Variants in ECHDC2 observed in about 807,000 individuals in gnomAD.
ECHDC2 encodes the protein enoyl-CoA hydratase domain-containing protein 2, mitochondrial.
ECHDC2 carries 34 observed loss-of-function variants against 40.6 expected under a neutral mutation model. The ratio of observed to expected loss-of-function variants is 0.84; its 90% CI spans 0.64 to 1.11. The LOEUF (loss-of-function observed/expected upper bound fraction) is 1.11. Ranked by LOEUF, ECHDC2 falls within the 50% of genes most tolerant of loss-of-function variation. The probability of loss-of-function intolerance (pLI) is 0.00; values close to 1 mark genes in which losing one functional copy is unlikely to be tolerated. For missense variants in ECHDC2, 392 were observed against 400.7 expected (o/e 0.98, Z 0.19); for synonymous variants, 162 against 166.6 (o/e 0.97, Z 0.21).
chr1:52,917,439 C>T (rs747978041), intron 1 of ECHDC2: 15 of 400,316 alleles, frequency 3.7e-5, no homozygotes, highest in South Asian at 1.3e-4. Flanking sequence ...GTGTGGGGGA[C>T]GGAGCAGCAG....
Position 52,911,590 on chromosome 1 carries a change from CACT to C in ECHDC2, c.250_252del (p.Ser84del), listed in dbSNP as rs1361468552. On this transcript the variant is annotated inframe_deletion, in exon 3 of 10. Coordinates refer to ENST00000371522, the MANE Select transcript of ECHDC2 (RefSeq NM_001198961.2). The stretch of plus-strand genomic sequence containing the variant: ...CCTGCACAGAACACGCCCTTCACTC[CACT>C]TCTGAAGAGCAGGACACGCACTTGC... 1 of 1,613,866 alleles carries C rather than the reference CACT, an allele frequency of 6.2e-7. No individual in the cohort carries two copies. Among genetic ancestry groups the C allele is most frequent in the African/African-American group, 1.3e-5 (1 of 74,916 alleles).
Position 52,905,014 on chromosome 1 carries a change from G to T in ECHDC2, c.514+20C>A, listed in dbSNP as rs761792306. ...ACCCTGGATGGGGTGGAATTGGGCG[G>T]GTGCTGTAGTTGCGATTACCTGCCC... On this transcript the variant is annotated intron_variant, in intron 6 of 9. Transcript: ENST00000371522. 2 of 1,614,044 alleles carry T rather than the reference G, an allele frequency of 1.2e-6. No individual in the cohort carries two copies. The highest frequency in any genetic ancestry group is 1.7e-5 in the Admixed American group (1 of 60,002).
At chr1:52,912,441 C>G (rs558761961) in intron 1 of ECHDC2, among the ~76,000 whole-genome samples, 3 of 152,232 alleles carry the variant, frequency 2.0e-5, no homozygotes, top group South Asian at 4.2e-4. Flanking sequence ...CTCCTGAGCT[C>G]GAGCAATCTG....
Position 52,911,748 on chromosome 1 carries a change from G to C in ECHDC2, c.164C>G (p.Ala55Gly). Residue 55 changes from alanine to glycine, a missense_variant, in exon 2 of 10, where the codon GCC becomes GGC. Coordinates refer to ENST00000371522, the MANE Select transcript of ECHDC2 (RefSeq NM_001198961.2). ...ILMNRPSARN[A>G]LGNVFVSELL... ...CTCACTGACGAAGACATTCCCCAAG[G>C]CATTGCGGGCAGAAGGTCTGTTCAT... The C allele has an allele frequency of 6.2e-7, 1 of 1,614,072 alleles. No homozygotes were observed. The highest frequency in any genetic ancestry group is 1.1e-5 in the South Asian group (1 of 91,080).
intron 1 of ECHDC2, 34 bp downstream of exon 1, chr1:52,921,519 C>A (rs375540765): frequency 3.8e-6 from 6 of 1,595,422 alleles, no homozygotes; most frequent in South Asian, 3.4e-5. Flanking sequence ...TAGTCCCAGT[C>A]GCGTCATGCG....
chr1:52,921,430 A>C, intron 1 of ECHDC2, 123 bp downstream of exon 1: 1 of 1,437,172 alleles, frequency 7.0e-7, no homozygotes, highest in Non-Finnish European at 9.1e-7. Flanking sequence ...GGGCGCCTAG[A>C]ACTGGGAGGG....
chr1:52,914,029 C>G lies in ECHDC2; in HGVS notation c.122-2239G>C. 8.4e-7 allele frequency: 1 copy of G among 1,187,582 alleles called. No individual in the cohort carries two copies. The highest frequency in any genetic ancestry group is 1.1e-6 in the Non-Finnish European group (1 of 903,578). 73.6% of individuals were successfully genotyped at this position (1,187,582 alleles called of 1,614,324 possible). A position where few individuals can be genotyped will look rare whatever the true frequency, so the allele number is the denominator to read the frequency against. ...ATTTATATATTTGCTGTGTGCTGGC[C>G]TCTACTAGACACCGTGATTCCAGAG... On this transcript the variant is annotated intron_variant, in intron 1 of 9. Transcript: ENST00000371522. The surrounding 1 kb of genome is among the most constrained non-coding windows in gnomAD (Gnocchi z 4.0).
chr1:52,899,982 GAA>G (rs1553128649), intron 7 of ECHDC2: 9 of 140,282 alleles, frequency 6.4e-5, no homozygotes. Flanking sequence ...ACTTTCTCAG[GAA>G]AAGTCTCAAA....
chr1:52,899,180 T>A lies in ECHDC2; in HGVS notation c.747A>T (p.Gly249=), dbSNP rs751066648. Residue 249 remains glycine, a synonymous_variant, in exon 8 of 10, where the codon GGA becomes GGT. Transcript: ENST00000371522. ...VRLGKVAIDR[G]TEVDIASGMA... Reference sequence around the variant, plus strand: ...CAACCCAAAACCCTCTCACCTCCGTTCCTCGGTCAATGGCTACTTTGCCCA... The same window carrying A: ...CAACCCAAAACCCTCTCACCTCCGTACCTCGGTCAATGGCTACTTTGCCCA... 30 of 1,614,164 alleles carry A rather than the reference T, an allele frequency of 1.9e-5. No individual in the cohort carries two copies. In the Admixed American group the frequency reaches 2.3e-4, roughly 13 times the overall value.
intron 1 of ECHDC2, among the ~76,000 whole-genome samples, chr1:52,919,796 TGTC>T (rs1375661997): frequency 6.6e-6 from 1 of 152,242 alleles, no homozygotes; most frequent in Non-Finnish European, 1.5e-5. Context: ...TCCTCTGCAC[TGTC>T]ATCTTGGTTT....
chr1:52,914,724 G>A lies in ECHDC2; in HGVS notation c.122-2934C>T, dbSNP rs1317772657. 1.3e-5 allele frequency among the ~76,000 whole-genome samples: 2 copies of A among 152,056 alleles called. No individual in the cohort carries two copies. The highest frequency in any genetic ancestry group is 2.9e-5 in the Non-Finnish European group (2 of 68,008). ...ACTCAGAAGTTGATCCTGTCACCTC[G>A]CTCTTACCTCACCTACAAAATGCAC... On this transcript the variant is annotated intron_variant, in intron 1 of 9. Transcript: ENST00000371522. This position sits in a 1 kb window ranked among gnomAD's most constrained non-coding sequence, Gnocchi z 4.0.
chr1:52,912,442 G>A (rs868718603), intron 1 of ECHDC2, among the ~76,000 whole-genome samples: 37 of 152,030 alleles, frequency 2.4e-4, no homozygotes, highest in Non-Finnish European at 4.9e-4. Context: ...TCCTGAGCTC[G>A]AGCAATCTGC....
At position 52,905,466 on chromosome 1, in the gene ECHDC2, T is replaced by G. The variant is rs2150048035; in HGVS notation, c.458-376A>C. ...GAGGTGCCCCATATCTATTTGTGGA[T>G]TACTATTAATAGGTTCTCTGGCTTA... On this transcript the variant is annotated intron_variant, in intron 5 of 9. Coordinates refer to ENST00000371522, the MANE Select transcript of ECHDC2 (RefSeq NM_001198961.2). 1.7e-5 allele frequency: 4 copies of G among 241,474 alleles called. No individual in the cohort carries two copies. In the South Asian group the frequency reaches 3.3e-4, roughly 20 times the overall value. 15.0% of individuals were successfully genotyped at this position (241,474 alleles called of 1,614,324 possible). A position where few individuals can be genotyped will look rare whatever the true frequency, so the allele number is the denominator to read the frequency against.
chr1:52,912,664 C>G (rs1456660413), intron 1 of ECHDC2: 3 of 152,150 alleles, frequency 2.0e-5, no homozygotes, highest in African/African-American at 7.2e-5. Context: ...CCTCCTTCCC[C>G]CTGAACAAGT....
intron 8 of ECHDC2, chr1:52,898,301 A>G (rs1375064319): frequency 2.6e-5 from 4 of 152,182 alleles, no homozygotes; most frequent in African/African-American, 9.7e-5. Flanking sequence ...GCTCACTGCA[A>G]ACTCCGCCTC....
At chr1:52,899,349 GAC>G (rs1332877446) in intron 7 of ECHDC2, 125 bp from the exon 8 acceptor site, 5 of 865,876 alleles carry the variant, frequency 5.8e-6, no homozygotes, top group Non-Finnish European at 9.1e-6. Context: ...CCATTCTGCT[GAC>G]AGTTTCTTTA....
chr1:52,921,484 T>C (rs1343034076), intron 1 of ECHDC2, 69 bp downstream of exon 1: 2 of 1,529,610 alleles, frequency 1.3e-6, no homozygotes, highest in Admixed American at 2.0e-5. Flanking sequence ...GCGGCCCACC[T>C]GCCGGTCCCC....
In ECHDC2 at chr1:52,904,596, G is replaced by C. The variant is rs550924255; in HGVS notation, c.702+50C>G. The C allele has an allele frequency of 6.7e-5, 100 of 1,481,506 alleles. 1 individual carries two copies. In the South Asian group the frequency reaches 1.3e-3, roughly 20 times the overall value. The allele number at this position is 1,481,506 out of a possible 1,614,324, so 91.8% of individuals were successfully genotyped here. A position where few individuals can be genotyped will look rare whatever the true frequency, so the allele number is the denominator to read the frequency against. On this transcript the variant is annotated intron_variant, in intron 7 of 9. Coordinates refer to ENST00000371522, the MANE Select transcript of ECHDC2 (RefSeq NM_001198961.2). ...CAAGGGGACACCCTGCCCCACACAT[G>C]CCTCCCCCATGACTCCAGCCCTCCT...
intron 1 of ECHDC2, chr1:52,913,402 T>C (rs1649993579): frequency 6.6e-6 from 1 of 152,182 alleles, no homozygotes; most frequent in Non-Finnish European, 1.5e-5. Flanking sequence ...CCTTCTCCAA[T>C]CTAGGTTCCA....
Sources: allele counts gnomAD v4.1 joint callset (sites outside exome capture counted in the v4.1 genomes callset), GRCh38; gene constraint gnomAD v4.1.1; non-coding constraint Gnocchi (gnomAD v3.1); transcripts MANE v1.5; gene names NCBI Gene and HGNC (gene_info 2026-07-23, HGNC 2026-07-21).